Variants in PLCB4 observed in about 807,000 individuals in gnomAD.
The protein encoded by PLCB4 is phospholipase C beta 4.
A neutral mutation model predicts 178.8 loss-of-function variants in PLCB4; 77 were observed. The ratio of observed to expected loss-of-function variants is 0.43; its 90% CI spans 0.36 to 0.52. The LOEUF (loss-of-function observed/expected upper bound fraction) is 0.52, where lower values mean the gene tolerates loss of function less well. Ranked by LOEUF, PLCB4 falls within the 20% of genes least tolerant of loss-of-function variation. The pLI is 0.00. For synonymous variants in PLCB4, 496 were observed against 490.8 expected (o/e 1.01, Z -0.14); for missense variants, 1,024 against 1,453.4 (o/e 0.70, Z 4.80).
Position 9,098,061 on chromosome 20 carries a change from C to T in PLCB4, c.-79+1719C>T, listed in dbSNP as rs574528924. 1.2e-4 allele frequency among the ~76,000 whole-genome samples: 18 copies of T among 152,280 alleles called. No individual in the cohort carries two copies. In the South Asian group the frequency reaches 3.7e-3, roughly 32 times the overall value. On this transcript the variant is annotated intron_variant, in intron 2 of 39. Coordinates refer to ENST00000378473, the MANE Select transcript of PLCB4 (RefSeq NM_001377142.1). Reference sequence around the variant, plus strand: ...TGCTTCAAAATTGGAGTTCAAAAACCTGCTGTATGCAATTATTGCAGTGAA... The same window carrying T: ...TGCTTCAAAATTGGAGTTCAAAAACTTGCTGTATGCAATTATTGCAGTGAA...
chr20:9,461,252 A>C (rs1249443713), intron 35 of PLCB4, among the ~76,000 whole-genome samples: 1 of 152,268 alleles, frequency 6.6e-6, no homozygotes, highest in East Asian at 1.9e-4. Flanking sequence ...TGACCTAGTT[A>C]CTAAAATACT....
intron 2 of PLCB4, among the ~76,000 whole-genome samples, chr20:9,184,694 C>T (rs1034258244): frequency 7.3e-5 from 11 of 150,582 alleles, no homozygotes; most frequent in African/African-American, 2.7e-4. Context: ...AATAAAACAT[C>T]GCCACTATGA....
intron 2 of PLCB4, among the ~76,000 whole-genome samples, chr20:9,178,147 C>T (rs1027597162): frequency 2.0e-5 from 3 of 152,082 alleles, no homozygotes; most frequent in East Asian, 1.9e-4. Flanking sequence ...GGTGAAACCA[C>T]GTCTCCACTA....
chr20:9,454,877 T>C (rs2042966729), intron 33 of PLCB4, among the ~76,000 whole-genome samples: 1 of 152,242 alleles, frequency 6.6e-6, no homozygotes, highest in Non-Finnish European at 1.5e-5. Context: ...GCATCTGTTA[T>C]TATGCATCAT....
At chr20:9,363,849 A>G (rs536619501) in intron 8 of PLCB4, among the ~76,000 whole-genome samples, 1 of 152,204 alleles carries the variant, frequency 6.6e-6, no homozygotes. Flanking sequence ...GTGATTCATC[A>G]TACTCACTTG....
At chr20:9,137,454 T>C (rs2092406151) in intron 2 of PLCB4, among the ~76,000 whole-genome samples, 1 of 152,110 alleles carries the variant, frequency 6.6e-6, no homozygotes, top group African/African-American at 2.4e-5. Flanking sequence ...AGGGGTGCCT[T>C]AGGTTGTAAT....
intron 35 of PLCB4, 68 bp downstream of exon 35, chr20:9,459,878 A>G: frequency 9.8e-7 from 1 of 1,024,752 alleles, no homozygotes; most frequent in Non-Finnish European, 1.5e-6. Context: ...TTGTGTGTAT[A>G]AGAGAGCCAA....
chr20:9,202,049 A>G (rs2093553563), intron 2 of PLCB4, among the ~76,000 whole-genome samples: 1 of 152,256 alleles, frequency 6.6e-6, no homozygotes, highest in African/African-American at 2.4e-5. Context: ...ACTACTCAGC[A>G]GTAAAAAGGA....
intron 3 of PLCB4, among the ~76,000 whole-genome samples, chr20:9,246,197 T>C (rs530913509): frequency 6.6e-5 from 10 of 152,304 alleles, no homozygotes; most frequent in African/African-American, 2.4e-4. Context: ...TAGCTGAACA[T>C]TTTATTGTTA....
chr20:9,442,379 GT>G (rs11087846), intron 30 of PLCB4, among the ~76,000 whole-genome samples: 32,850 of 148,608 alleles, frequency 0.22, 4,049 homozygotes, highest in East Asian at 0.37. Context: ...GTAGAGTGTG[GT>G]TTTTTTTTTT....
Position 9,114,868 on chromosome 20 carries a change from C to T in PLCB4, c.-79+18526C>T, listed in dbSNP as rs986708987. On this transcript the variant is annotated intron_variant, in intron 2 of 39. Transcript: ENST00000378473. The stretch of plus-strand genomic sequence containing the variant: ...CACACTTCCTGATGATGGCCTTGAC[C>T]GACCTCACGTTTAAGGGCCTGTGCA... 4.6e-5 allele frequency among the ~76,000 whole-genome samples: 7 copies of T among 152,160 alleles called. No individual in the cohort carries two copies. The East Asian group carries it at 5.8e-4, about 13-fold the overall frequency.
chr20:9,143,929 A>C (rs1005731611), intron 2 of PLCB4, among the ~76,000 whole-genome samples: 1 of 152,124 alleles, frequency 6.6e-6, no homozygotes, highest in Non-Finnish European at 1.5e-5. Flanking sequence ...GGATGCTTTT[A>C]TAAATGAGAA....
intron 2 of PLCB4, among the ~76,000 whole-genome samples, chr20:9,187,356 TA>T (rs137900199): frequency 1.9e-4 from 29 of 152,320 alleles, no homozygotes; most frequent in Middle Eastern, 6.8e-3. Flanking sequence ...CTTCCTGCTC[TA>T]AAACATTTGC....
intron 2 of PLCB4, among the ~76,000 whole-genome samples, chr20:9,203,778 T>G (rs1326707618): frequency 3.3e-5 from 1 of 29,978 alleles, no homozygotes; most frequent in East Asian, 1.1e-3. Flanking sequence ...GGGAATAGTG[T>G]TTTTTTTTTT....
intron 15 of PLCB4, 125 bp from the exon 16 acceptor site, chr20:9,389,754 G>C: frequency 1.7e-6 from 1 of 597,552 alleles, no homozygotes; most frequent in South Asian, 2.2e-5. Flanking sequence ...AGGTAGATGG[G>C]GGCTCCAGGT....
intron 3 of PLCB4, among the ~76,000 whole-genome samples, chr20:9,249,933 A>G (rs956141053): frequency 4.6e-5 from 7 of 152,198 alleles, no homozygotes; most frequent in Non-Finnish European, 5.9e-5. Flanking sequence ...ATGATTCTGT[A>G]TCCAAGGAAT....
intron 3 of PLCB4, among the ~76,000 whole-genome samples, chr20:9,273,245 T>G (rs930911038): frequency 6.6e-6 from 1 of 152,160 alleles, no homozygotes; most frequent in African/African-American, 2.4e-5. Flanking sequence ...TTGCCTAGTA[T>G]GTATCGAGCA....
chr20:9,141,075 G>T (rs1008179350), intron 2 of PLCB4, among the ~76,000 whole-genome samples: 1 of 152,108 alleles, frequency 6.6e-6, no homozygotes, highest in African/African-American at 2.4e-5. Flanking sequence ...TTGAAATGTA[G>T]CAAGAGTTCC....
chr20:9,376,725 A>T (rs2036707576), intron 12 of PLCB4, among the ~76,000 whole-genome samples: 1 of 152,064 alleles, frequency 6.6e-6, no homozygotes, highest in Non-Finnish European at 1.5e-5. Context: ...TCTTTGTTTG[A>T]CTTCTTACAA....
Sources: gnomAD v4.1 joint callset for allele counts (sites outside exome capture counted in the v4.1 genomes callset) on GRCh38, gnomAD v4.1.1 for gene constraint, MANE v1.5 for transcripts, NCBI Gene and HGNC (gene_info 2026-07-23, HGNC 2026-07-21) for gene names.